Variants in LRP1B observed in about 807,000 individuals in gnomAD.
The protein encoded by LRP1B is LDL receptor related protein 1B.
In LRP1B, 217 loss-of-function variants were observed where a neutral mutation model predicts 556.6. That is an observed-to-expected ratio of 0.39 (90% confidence interval 0.35 to 0.44). The LOEUF is 0.44. Ranked by LOEUF, LRP1B falls within the 20% of genes least tolerant of loss-of-function variation. LRP1B has a pLI of 1.00. For synonymous variants in LRP1B, 2,047 were observed against 1,865.8 expected (o/e 1.10, Z -2.50); for missense variants, 5,053 against 5,620.8 (o/e 0.90, Z 3.23).
intron 2 of LRP1B, among the ~76,000 whole-genome samples, chr2:141,524,461 T>C (rs1355695972): frequency 1.3e-5 from 2 of 152,106 alleles, no homozygotes; most frequent in Admixed American, 1.3e-4. Context: ...GTCAAGCTTG[T>C]CTGCAAGCCA....
rs755196436 is a variant in LRP1B, at chr2:140,577,968, A to G, written c.7194+20663T>C. Among the ~76,000 whole-genome samples the G allele has an allele frequency of 1.1e-4, 16 of 152,322 alleles. No individual in the cohort carries two copies. In the South Asian group the frequency reaches 1.9e-3, roughly 18 times the overall value. On this transcript the variant is annotated intron_variant, in intron 43 of 90. Transcript: ENST00000389484. ...TCCTCTCTAATCTCTTTCAAAATAAATGATGTTCAATAGTTTAATCATTAA... is the reference window on the plus strand; with the variant it reads ...TCCTCTCTAATCTCTTTCAAAATAAGTGATGTTCAATAGTTTAATCATTAA...
intron 85 of LRP1B, among the ~76,000 whole-genome samples, chr2:140,272,292 C>CACACAG (rs1424424326): frequency 6.8e-6 from 1 of 146,228 alleles, no homozygotes; most frequent in Non-Finnish European, 1.5e-5. Flanking sequence ...CACACACACA[C>CACACAG]AGAATATGTG....
At chr2:141,291,035 T>TA (rs1417877951) in intron 3 of LRP1B, among the ~76,000 whole-genome samples, 3 of 151,704 alleles carry the variant, frequency 2.0e-5, no homozygotes, top group South Asian at 2.1e-4. Context: ...GAAAAAAAGG[T>TA]AAAAAAAATT....
At chr2:141,645,212 A>G (rs1385179422) in intron 2 of LRP1B, among the ~76,000 whole-genome samples, 1 of 152,152 alleles carries the variant, frequency 6.6e-6, no homozygotes, top group Admixed American at 6.6e-5. Flanking sequence ...CAATAAGATT[A>G]GGATAAATTC....
At chr2:140,532,579 T>C (rs1282722019) in intron 47 of LRP1B, among the ~76,000 whole-genome samples, 2 of 151,816 alleles carry the variant, frequency 1.3e-5, no homozygotes, top group Non-Finnish European at 1.5e-5. Flanking sequence ...GTATTTTTAG[T>C]CGAGATGGGG....
chr2:141,133,709 A>C (rs1441593386), intron 7 of LRP1B, among the ~76,000 whole-genome samples: 1 of 151,998 alleles, frequency 6.6e-6, no homozygotes, highest in African/African-American at 2.4e-5. Context: ...AATGACAGGC[A>C]AGCATTTTTA....
At chr2:140,460,545 T>C (rs779751161) in intron 60 of LRP1B, among the ~76,000 whole-genome samples, 1 of 152,188 alleles carries the variant, frequency 6.6e-6, no homozygotes, top group Non-Finnish European at 1.5e-5. Flanking sequence ...CAGTTGTCTG[T>C]ATAAAACTGC....
intron 6 of LRP1B, among the ~76,000 whole-genome samples, chr2:141,190,105 C>T (rs1035186847): frequency 2.0e-5 from 3 of 151,956 alleles, no homozygotes; most frequent in Non-Finnish European, 4.4e-5. Context: ...CATATCAAGA[C>T]AACCTTTGTT....
chr2:141,866,095 CA>C (rs1353908919), intron 1 of LRP1B, among the ~76,000 whole-genome samples: 1 of 152,218 alleles, frequency 6.6e-6, no homozygotes, highest in East Asian at 1.9e-4. Flanking sequence ...AGTGACCCCC[CA>C]GGGAAGAGGG....
intron 3 of LRP1B, among the ~76,000 whole-genome samples, chr2:141,417,217 A>G (rs1240712047): frequency 6.6e-6 from 1 of 152,206 alleles, no homozygotes; most frequent in Admixed American, 6.5e-5. Context: ...TGATCTCAAG[A>G]TTTTTAATTA....
chr2:141,414,385 G>GAAGA (rs1553511582), intron 3 of LRP1B, among the ~76,000 whole-genome samples: 9 of 151,240 alleles, frequency 6.0e-5, no homozygotes, highest in African/African-American at 1.9e-4. Flanking sequence ...GGGAGGGAGG[G>GAAGA]AGGAAGAAAG....
intron 79 of LRP1B, among the ~76,000 whole-genome samples, chr2:140,326,651 G>A (rs1292222659): frequency 2.6e-5 from 4 of 151,862 alleles, no homozygotes; most frequent in African/African-American, 9.7e-5. Flanking sequence ...GGAGGCAGAG[G>A]TCAGTGAGCT....
chr2:140,456,678 G>C (rs1361894346), intron 61 of LRP1B, 75 bp from the exon 62 acceptor site: 170 of 1,335,646 alleles, frequency 1.3e-4, no homozygotes, highest in Non-Finnish European at 1.7e-4. Context: ...ATTAGAGATA[G>C]GACTTTTAAG....
chr2:140,536,311 TAAAA>T (rs70988404), intron 46 of LRP1B, among the ~76,000 whole-genome samples: 245 of 61,828 alleles, frequency 4.0e-3, no homozygotes, highest in Non-Finnish European at 5.5e-3. Flanking sequence ...CCCGTCTCTT[TAAAA>T]AAAAAAAAAA....
intron 3 of LRP1B, among the ~76,000 whole-genome samples, chr2:141,278,296 CA>C (rs1246256155): frequency 6.6e-6 from 1 of 152,098 alleles, no homozygotes; most frequent in African/African-American, 2.4e-5. Flanking sequence ...AGGTAGAACC[CA>C]GTACTCCAGG....
intron 2 of LRP1B, among the ~76,000 whole-genome samples, chr2:141,727,962 G>A (rs549934106): frequency 1.2e-4 from 19 of 152,112 alleles, no homozygotes; most frequent in Admixed American, 9.8e-4. Flanking sequence ...TTTGGTAAGC[G>A]CTTTCTTATT....
At chr2:141,293,289 A>G (rs1342917002) in intron 3 of LRP1B, among the ~76,000 whole-genome samples, 1 of 152,208 alleles carries the variant, frequency 6.6e-6, no homozygotes, top group East Asian at 1.9e-4. Context: ...AGCAATGCAC[A>G]TCTGTAGCCT....
At chr2:141,849,469 T>C (rs1360032411) in intron 1 of LRP1B, among the ~76,000 whole-genome samples, 1 of 151,716 alleles carries the variant, frequency 6.6e-6, no homozygotes, top group East Asian at 1.9e-4. Flanking sequence ...ATCTAAAGTT[T>C]TACATTTTAA....
chr2:140,590,797 A>C (rs1322620168), intron 43 of LRP1B, among the ~76,000 whole-genome samples: 1 of 152,224 alleles, frequency 6.6e-6, no homozygotes, highest in South Asian at 2.1e-4. Context: ...AACAGAGCAC[A>C]CTAAGACAAC....
Sources: gnomAD v4.1 joint callset for allele counts (sites outside exome capture counted in the v4.1 genomes callset) on GRCh38, gnomAD v4.1.1 for gene constraint, MANE v1.5 for transcripts, NCBI Gene and HGNC (gene_info 2026-07-23, HGNC 2026-07-21) for gene names.